Variants in ZNF385D observed in about 807,000 individuals in gnomAD.
The protein encoded by ZNF385D is zinc finger protein 385D, also known as zinc finger protein 659.
In ZNF385D, 15 loss-of-function variants were observed where a neutral mutation model predicts 35.8. The observed-to-expected ratio is 0.42, with a 90% CI of 0.28 to 0.64. ZNF385D has a LOEUF of 0.64. Among genes scored for constraint, ZNF385D ranks in the 30% least tolerant of loss-of-function variants. ZNF385D has a pLI of 0.23. For synonymous variants in ZNF385D, 212 were observed against 186.8 expected (o/e 1.13, Z -1.10); for missense variants, 474 against 494.6 (o/e 0.96, Z 0.39).
At chr3:21,757,997 A>G (rs2070424415) in intron 3 of ZNF385D, among the ~76,000 whole-genome samples, 1 of 152,222 alleles carries the variant, frequency 6.6e-6, no homozygotes, top group Non-Finnish European at 1.5e-5. Flanking sequence ...ATAAAGTTAT[A>G]TTCTACCAAG....
At chr3:21,741,890 A>T (rs574068420) in intron 1 of ZNF385D, among the ~76,000 whole-genome samples, 2 of 152,272 alleles carry the variant, frequency 1.3e-5, no homozygotes, top group East Asian at 3.9e-4. Flanking sequence ...TCCCATTGGT[A>T]TAGAAAAATG....
At chr3:22,012,782 C>T (rs1696658724) in intron 3 of ZNF385D, among the ~76,000 whole-genome samples, 1 of 152,044 alleles carries the variant, frequency 6.6e-6, no homozygotes, top group Admixed American at 6.6e-5. Context: ...AGCTGCTTAG[C>T]ACATAATTCT....
intron 2 of ZNF385D, among the ~76,000 whole-genome samples, chr3:21,629,061 T>G (rs2065210420): frequency 6.6e-6 from 1 of 152,102 alleles, no homozygotes; most frequent in Non-Finnish European, 1.5e-5. Context: ...TTAGTAAGGT[T>G]TGGTTGGCTA....
intron 3 of ZNF385D, among the ~76,000 whole-genome samples, chr3:22,027,272 C>A (rs981879673): frequency 6.6e-6 from 1 of 152,162 alleles, no homozygotes; most frequent in Admixed American, 6.5e-5. Flanking sequence ...GCTACTCTGG[C>A]CCATTTACTG....
At chr3:21,849,337 G>C (rs77792847) in intron 3 of ZNF385D, among the ~76,000 whole-genome samples, 5,988 of 152,138 alleles carry the variant, frequency 0.039, 407 homozygotes, top group African/African-American at 0.13. Context: ...AATACTTAAA[G>C]AGTTTGTGAA....
chr3:22,031,516 T>C (rs138180706), intron 3 of ZNF385D, among the ~76,000 whole-genome samples: 256 of 152,308 alleles, frequency 1.7e-3, no homozygotes, highest in Non-Finnish European at 3.1e-3. Context: ...TTGCCCCTTT[T>C]AGCCACGGCT....
intron 2 of ZNF385D, among the ~76,000 whole-genome samples, chr3:22,241,991 C>T (rs971863829): frequency 1.3e-5 from 2 of 149,832 alleles, no homozygotes; most frequent in African/African-American, 2.5e-5. Flanking sequence ...AACCAAAGAC[C>T]GCATATTCTC....
intron 1 of ZNF385D, among the ~76,000 whole-genome samples, chr3:21,667,763 T>C (rs998991903): frequency 2.0e-5 from 3 of 152,224 alleles, no homozygotes; most frequent in Non-Finnish European, 4.4e-5. Flanking sequence ...ATTTTTTATC[T>C]AGCACAATGA....
intron 3 of ZNF385D, among the ~76,000 whole-genome samples, chr3:22,143,747 T>C (rs755134371): frequency 6.6e-6 from 1 of 152,196 alleles, no homozygotes; most frequent in Non-Finnish European, 1.5e-5. Context: ...ATTTAAACAA[T>C]TTTATTAAAT....
chr3:22,330,615 T>G (rs2125459820), intron 2 of ZNF385D, among the ~76,000 whole-genome samples: 1 of 152,302 alleles, frequency 6.6e-6, no homozygotes. Flanking sequence ...CAGTTTTTCT[T>G]TAGGAGGTTC....
chr3:22,103,473 T>G (rs1208876043), intron 3 of ZNF385D, among the ~76,000 whole-genome samples: 1 of 152,160 alleles, frequency 6.6e-6, no homozygotes, highest in African/African-American at 2.4e-5. Context: ...TTTACAATTT[T>G]CATAAACTTG....
At chr3:22,210,643 A>G (rs1697459078) in intron 2 of ZNF385D, among the ~76,000 whole-genome samples, 2 of 151,934 alleles carry the variant, frequency 1.3e-5, no homozygotes, top group South Asian at 2.1e-4. Context: ...TTCTGGCATT[A>G]CATTTTTATT....
At chr3:21,991,495 A>G (rs1346099736) in intron 3 of ZNF385D, among the ~76,000 whole-genome samples, 1 of 152,222 alleles carries the variant, frequency 6.6e-6, no homozygotes, top group African/African-American at 2.4e-5. Flanking sequence ...TGCAGCTAAA[A>G]TAAGAAAAAA....
intron 2 of ZNF385D, among the ~76,000 whole-genome samples, chr3:22,297,282 A>AATGAC (rs1277339491): frequency 2.0e-5 from 3 of 151,936 alleles, no homozygotes; most frequent in African/African-American, 7.3e-5. Context: ...GAACACCCCA[A>AATGAC]ATGACATATC....
chr3:22,100,494 CT>C (rs1311396464), intron 3 of ZNF385D, among the ~76,000 whole-genome samples: 2 of 151,984 alleles, frequency 1.3e-5, no homozygotes, highest in Non-Finnish European at 2.9e-5. Flanking sequence ...CATGGATATA[CT>C]ATGCAGCCAT....
chr3:22,367,127 A>C (rs1235503808), intron 2 of ZNF385D, among the ~76,000 whole-genome samples: 1 of 152,192 alleles, frequency 6.6e-6, no homozygotes, highest in Non-Finnish European at 1.5e-5. Flanking sequence ...ATATATGATG[A>C]TAATAAAAAT....
At chr3:22,185,592 T>A (rs1407662478) in intron 2 of ZNF385D, among the ~76,000 whole-genome samples, 3 of 152,038 alleles carry the variant, frequency 2.0e-5, no homozygotes, top group Non-Finnish European at 4.4e-5. Context: ...CTCAGCCCCC[T>A]GAGTAGCTGG....
intron 4 of ZNF385D, among the ~76,000 whole-genome samples, chr3:21,502,410 C>T (rs940253897): frequency 6.6e-6 from 1 of 152,102 alleles, no homozygotes; most frequent in Admixed American, 6.6e-5. Flanking sequence ...GTTTTCCCTC[C>T]CTGCAGGATA....
At chr3:21,681,372 A>C (rs1030345613) in intron 1 of ZNF385D, among the ~76,000 whole-genome samples, 4 of 150,926 alleles carry the variant, frequency 2.7e-5, no homozygotes, top group Admixed American at 2.0e-4. Flanking sequence ...CATGAAACAA[A>C]TTATGTTATT....
Sources: gnomAD v4.1 joint callset for allele counts (sites outside exome capture counted in the v4.1 genomes callset) on GRCh38, gnomAD v4.1.1 for gene constraint, MANE v1.5 for transcripts, NCBI Gene and HGNC (gene_info 2026-07-23, HGNC 2026-07-21) for gene names.